The following TFEC variants were observed in gnomAD, a reference collection of about 807,000 sequenced individuals.
The protein encoded by TFEC is class E basic helix-loop-helix protein 34.
Under a neutral mutation model 41.6 loss-of-function variants are expected in TFEC, and 31 were observed. The ratio of observed to expected loss-of-function variants is 0.74; its 90% CI spans 0.56 to 1.01. The LOEUF is 1.01. Ranked by LOEUF, TFEC falls within the 50% of genes least tolerant of loss-of-function variation. The pLI, the probability that TFEC is intolerant of heterozygous loss-of-function variation, is 0.00. For missense variants in TFEC, 402 were observed against 404.1 expected (o/e 0.99, Z 0.04); for synonymous variants, 143 against 140.6 (o/e 1.02, Z -0.12).
At chr7:116,115,685 T>G (rs1797972614) in intron 1 of TFEC, among the ~76,000 whole-genome samples, 1 of 151,966 alleles carries the variant, frequency 6.6e-6, no homozygotes, top group South Asian at 2.1e-4. Context: ...TATAGTAACA[T>G]CCACAAGTTC....
At chr7:116,047,206 A>G (rs879177366) in intron 3 of TFEC, among the ~76,000 whole-genome samples, 6 of 152,006 alleles carry the variant, frequency 3.9e-5, no homozygotes, top group African/African-American at 1.4e-4. Context: ...GCGGAGCATC[A>G]CCTCACCCGG....
At chr7:115,984,180 G>A in intron 2 of TFEC, 82 bp downstream of exon 2, 1 of 1,517,338 alleles carries the variant, frequency 6.6e-7, no homozygotes, top group Non-Finnish European at 8.9e-7. Flanking sequence ...AATGTTTACT[G>A]TAAAATGTTG....
chr7:115,984,461 C>G lies in TFEC; in HGVS notation c.-20G>C. On this transcript the variant is annotated 5_prime_UTR_variant, in exon 2 of 8. Transcript: ENST00000265440. ...GGTCATGAAAGAGTTTACTTTCTGT[C>G]TCTGGGCTTTCTGTAGCTGAGGCCT... The G allele has an allele frequency of 6.2e-7, 1 of 1,614,076 alleles. No homozygotes were observed. The highest frequency in any genetic ancestry group is 8.5e-7 in the Non-Finnish European group (1 of 1,179,966).
intron 3 of TFEC, among the ~76,000 whole-genome samples, chr7:116,071,044 G>C (rs1796815489): frequency 6.6e-6 from 1 of 151,108 alleles, no homozygotes; most frequent in Non-Finnish European, 1.5e-5. Context: ...GAAAGACAAA[G>C]ATTCAAATGA....
chr7:116,120,131 G>A (rs936071426), intron 1 of TFEC: 3 of 151,832 alleles, frequency 2.0e-5, no homozygotes, highest in South Asian at 2.1e-4. Flanking sequence ...TTTGTTGGTG[G>A]AGAATAGGCT....
intron 3 of TFEC, among the ~76,000 whole-genome samples, chr7:116,063,750 T>C (rs1176036632): frequency 1.3e-5 from 2 of 152,240 alleles, no homozygotes; most frequent in Non-Finnish European, 2.9e-5. Flanking sequence ...TCTAGGTTCA[T>C]CCATGTTTTT....
At position 115,940,901 on chromosome 7, in the gene TFEC, G is replaced by C. The variant is rs770525265; in HGVS notation, c.694C>G (p.Leu232Val). 7 of 1,607,314 alleles carry C rather than the reference G, an allele frequency of 4.4e-6. No individual in the cohort carries two copies. The highest frequency in any genetic ancestry group is 2.6e-6 in the Non-Finnish European group (3 of 1,175,864). Residue 232 changes from leucine to valine, a missense_variant, in exon 8 of 8, where the codon CTG becomes GTG. Coordinates refer to ENST00000265440, the MANE Select transcript of TFEC (RefSeq NM_012252.4). Reference sequence around the variant, plus strand: ...GTGCCAAGTGAAGCCAGGGTTGGCAGACCATGAGTACGAGCCTGAATTTCT... The same window carrying C: ...GTGCCAAGTGAAGCCAGGGTTGGCACACCATGAGTACGAGCCTGAATTTCT... The part of the protein sequence containing the change: ...ELEIQARTHG[L>V]PTLASLGTVD...
At chr7:115,966,280 A>C (rs1792844320) in intron 3 of TFEC, among the ~76,000 whole-genome samples, 1 of 151,602 alleles carries the variant, frequency 6.6e-6, no homozygotes, top group Non-Finnish European at 1.5e-5. Context: ...GGCTCTCAAC[A>C]ATAGACTTCA....
chr7:116,109,052 C>A (rs1232868862), intron 3 of TFEC, among the ~76,000 whole-genome samples: 1 of 151,942 alleles, frequency 6.6e-6, no homozygotes. Context: ...CCCTTCCTTA[C>A]ACCTTATACA....
intron 1 of TFEC, among the ~76,000 whole-genome samples, chr7:116,021,384 C>A (rs1795388629): frequency 6.6e-6 from 1 of 152,090 alleles, no homozygotes; most frequent in African/African-American, 2.4e-5. Flanking sequence ...GAGGATAATG[C>A]CTTATTAGGA....
chr7:116,135,470 T>C (rs1798415660), intron 1 of TFEC, among the ~76,000 whole-genome samples: 1 of 152,146 alleles, frequency 6.6e-6, no homozygotes, highest in African/African-American at 2.4e-5. Context: ...TCTGATGACC[T>C]CTTCTCCTCA....
At chr7:115,973,520 C>G (rs1439775144) in intron 3 of TFEC, among the ~76,000 whole-genome samples, 1 of 151,834 alleles carries the variant, frequency 6.6e-6, no homozygotes, top group African/African-American at 2.4e-5. Flanking sequence ...AGCTTACACA[C>G]CCTTTACAGA....
chr7:116,133,225 A>C (rs1476628946), intron 1 of TFEC, among the ~76,000 whole-genome samples: 1 of 150,056 alleles, frequency 6.7e-6, no homozygotes, highest in Admixed American at 6.7e-5. Flanking sequence ...CAAACGTGTT[A>C]TGTACCAAAC....
chr7:116,039,269 G>A (rs1041183361), intron 3 of TFEC, among the ~76,000 whole-genome samples: 1 of 151,982 alleles, frequency 6.6e-6, no homozygotes, highest in Non-Finnish European at 1.5e-5. Flanking sequence ...GCTGTAAACT[G>A]TATCCTTAAC....
At chr7:116,016,001 C>G (rs1795174864) in intron 1 of TFEC, among the ~76,000 whole-genome samples, 1 of 152,006 alleles carries the variant, frequency 6.6e-6, no homozygotes, top group Admixed American at 6.6e-5. Flanking sequence ...TTTAGAAGGA[C>G]AGAATGTTAA....
At chr7:116,034,354 C>A (rs1795859342), upstream of TFEC, among the ~76,000 whole-genome samples, 1 of 152,036 alleles carries the variant, frequency 6.6e-6, no homozygotes, top group Non-Finnish European at 1.5e-5. Context: ...ATATATCCAA[C>A]AACCTACTCT....
At chr7:116,077,238 C>G (rs1218329479) in intron 3 of TFEC, among the ~76,000 whole-genome samples, 1 of 152,066 alleles carries the variant, frequency 6.6e-6, no homozygotes, top group African/African-American at 2.4e-5. Flanking sequence ...AGAGAATTTG[C>G]CACTACCAAA....
chr7:116,020,529 A>T (rs1795356164), intron 1 of TFEC, among the ~76,000 whole-genome samples: 1 of 152,150 alleles, frequency 6.6e-6, no homozygotes, highest in African/African-American at 2.4e-5. Flanking sequence ...TCTCTCTTTT[A>T]TTCAGGTCAA....
chr7:116,109,108 A>G (rs1250533683), intron 3 of TFEC, among the ~76,000 whole-genome samples: 2 of 151,832 alleles, frequency 1.3e-5, no homozygotes, highest in African/African-American at 4.8e-5. Flanking sequence ...TAGACCTAAA[A>G]CCATAAAAAC....
Sources: gnomAD v4.1 joint callset for allele counts (sites outside exome capture counted in the v4.1 genomes callset) on GRCh38, gnomAD v4.1.1 for gene constraint, MANE v1.5 for transcripts, NCBI Gene and HGNC (gene_info 2026-07-23, HGNC 2026-07-21) for gene names.